CHD8: variants seen among roughly 807,000 people sequenced by gnomAD.
The protein encoded by CHD8 is chromodomain helicase DNA binding protein 8.
In CHD8, 31 loss-of-function variants were observed where a neutral mutation model predicts 279.2. The observed-to-expected ratio is 0.11, with a 90% confidence interval of 0.08 to 0.15. The LOEUF (loss-of-function observed/expected upper bound fraction) is 0.15. CHD8 is among the 10% of genes least tolerant of loss of function. CHD8 has a pLI of 1.00. For missense variants in CHD8, 2,146 were observed against 3,230.5 expected (o/e 0.66, Z 8.14); for synonymous variants, 1,081 against 1,139.6 (o/e 0.95, Z 1.04).
At position 21,405,435 on chromosome 14, in the gene CHD8, T is replaced by C. The variant is rs1218846677; in HGVS notation, c.3081A>G (p.Pro1027=). 2 of 1,602,594 alleles carry C rather than the reference T, an allele frequency of 1.2e-6. No individual in the cohort carries two copies. The highest frequency in any genetic ancestry group is 1.7e-6 in the Non-Finnish European group (2 of 1,173,920). The change falls in exon 16 of 38, where the codon CCA becomes CCG. Residue 1027 remains proline, a synonymous_variant. Transcript: ENST00000646647. The surrounding 1 kb of genome is among the most constrained non-coding windows in gnomAD (Gnocchi z 4.2). Reference sequence around the variant, plus strand: ...CCTCTTTGAGTCTTCTCAGCATCATTGGCTTAAGAATGGCCTGTAGCTTTT... The same window carrying C: ...CCTCTTTGAGTCTTCTCAGCATCATCGGCTTAAGAATGGCCTGTAGCTTTT... The part of the protein sequence containing the change: ...QVQKLQAILK[P]MMLRRLKEDV...
Position 21,431,693 on chromosome 14 carries a change from G to A in CHD8, c.-50C>T. On this transcript the variant is annotated 5_prime_UTR_variant, in exon 2 of 38. Transcript: ENST00000646647. ...TCTCCAAGGTCTAGGGAGGGAAGGG[G>A]AGGGGGGGTACTGGCTCTCCCCTCC... 6.3e-7 allele frequency: 1 copy of A among 1,592,742 alleles called. No homozygotes were observed. Among genetic ancestry groups the A allele is most frequent in the Non-Finnish European group, 8.6e-7 (1 of 1,169,574 alleles).
At chr14:21,417,196 G>A (rs767156371) in intron 5 of CHD8, among the ~76,000 whole-genome samples, 1 of 152,188 alleles carries the variant, frequency 6.6e-6, no homozygotes, top group Non-Finnish European at 1.5e-5. Flanking sequence ...CATTTTTGGT[G>A]AGAGTACATA....
chr14:21,412,239 G>A (rs1389678392), intron 10 of CHD8, among the ~76,000 whole-genome samples: 5 of 151,880 alleles, frequency 3.3e-5, no homozygotes, highest in Admixed American at 1.3e-4. Context: ...TTTGCCTCCC[G>A]GGTTCAAGCG....
rs879793429 is a variant in CHD8, at chr14:21,410,003, A to G, written c.2227-15T>C. The G allele has an allele frequency of 7.5e-6, 12 of 1,596,774 alleles. No individual in the cohort carries two copies. Among genetic ancestry groups the G allele is most frequent in the Non-Finnish European group, 1.0e-5 (12 of 1,171,998 alleles). On this transcript the variant is annotated splice_polypyrimidine_tract_variant and intron_variant, in intron 10 of 37. Coordinates refer to ENST00000646647, the MANE Select transcript of CHD8 (RefSeq NM_001170629.2). ...TAAATAACGGGCTAGGAGAGAAGAA[A>G]CCAAAGCCTTAAGAAACTGATTCTG...
chr14:21,445,771 G>A (rs1890101378), intron 1 of CHD8, among the ~76,000 whole-genome samples: 1 of 150,652 alleles, frequency 6.6e-6, no homozygotes, highest in East Asian at 1.9e-4. Context: ...GGAAGCCAAT[G>A]CGGGTGGATC....
chr14:21,401,759 A>G, intron 20 of CHD8, 198 bp downstream of exon 20: 1 of 594,058 alleles, frequency 1.7e-6, no homozygotes, highest in South Asian at 2.2e-5. Context: ...TAATTTTTGT[A>G]TTTTTGGTAG....
chr14:21,408,653 A>G lies in CHD8; in HGVS notation c.2486+51T>C. 3 of 1,577,588 alleles carry G rather than the reference A, an allele frequency of 1.9e-6. No individual in the cohort carries two copies. Among genetic ancestry groups the G allele is most frequent in the South Asian group, 1.2e-5 (1 of 85,214 alleles). ...AAATTGTTTCAATAGAAAACAAATA[A>G]AAATAATCCCAGAACTAAGCTTACA... On this transcript the variant is annotated intron_variant, in intron 12 of 37. Coordinates refer to ENST00000646647, the MANE Select transcript of CHD8 (RefSeq NM_001170629.2). The surrounding 1 kb of genome is among the most constrained non-coding windows in gnomAD (Gnocchi z 4.3).
chr14:21,438,525 A>AAG (rs1443552738), intron 1 of CHD8, among the ~76,000 whole-genome samples: 2 of 150,356 alleles, frequency 1.3e-5, no homozygotes, highest in South Asian at 2.1e-4. Flanking sequence ...AAAAAAAAAA[A>AAG]AAAAAAGAAA....
chr14:21,394,501 T>C lies in CHD8; in HGVS notation c.5391-16A>G, dbSNP rs1249846390. On this transcript the variant is annotated splice_polypyrimidine_tract_variant and intron_variant, in intron 30 of 37. Transcript: ENST00000646647. ...CCTTGTCCATCTACAAAAGGAAAAG[T>C]AGGGCAACAATAATCAGAAGAACAC... is the stretch of plus-strand genomic sequence containing the variant. 15 of 1,542,702 alleles carry C rather than the reference T, an allele frequency of 9.7e-6. No individual in the cohort carries two copies. The highest frequency in any genetic ancestry group is 1.2e-5 in the Non-Finnish European group (14 of 1,133,406).
At chr14:21,444,702 T>C (rs567340264) in intron 1 of CHD8, among the ~76,000 whole-genome samples, 1 of 152,056 alleles carries the variant, frequency 6.6e-6, no homozygotes, top group East Asian at 1.9e-4. Context: ...TAACCACTTT[T>C]TTAAAAAAAA....
At chr14:21,430,302 T>C (rs1359021630) in intron 2 of CHD8, 2 of 157,194 alleles carry the variant, frequency 1.3e-5, no homozygotes, top group Non-Finnish European at 2.8e-5. Context: ...CTAGAGCCTC[T>C]ACCTTCTTAC....
intron 16 of CHD8, chr14:21,404,718 A>C (rs1199156917): frequency 6.4e-6 from 1 of 156,810 alleles, no homozygotes; most frequent in Non-Finnish European, 1.4e-5. Flanking sequence ...CTGTGTGGCT[A>C]ATCTGAGTTC....
chr14:21,425,376 G>A (rs908851946), intron 5 of CHD8: 4 of 150,016 alleles, frequency 2.7e-5, no homozygotes, highest in Non-Finnish European at 4.4e-5. Context: ...CCAGGCTGGA[G>A]TGCAATGGTA....
intron 5 of CHD8, among the ~76,000 whole-genome samples, chr14:21,417,293 T>G (rs1422295027): frequency 1.3e-5 from 2 of 152,168 alleles, no homozygotes; most frequent in Admixed American, 6.5e-5. Context: ...TAAATTTGCA[T>G]ATGTGCACAA....
At chr14:21,421,666 G>C (rs1402374876) in intron 5 of CHD8, among the ~76,000 whole-genome samples, 1 of 152,098 alleles carries the variant, frequency 6.6e-6, no homozygotes, top group African/African-American at 2.4e-5. Context: ...CTAAGTGTCT[G>C]TTCCTTAACT....
At chr14:21,388,912 A>G (rs1307496619) in intron 37 of CHD8, among the ~76,000 whole-genome samples, 1 of 152,248 alleles carries the variant, frequency 6.6e-6, no homozygotes, top group Non-Finnish European at 1.5e-5. Flanking sequence ...AGAAGATCAA[A>G]TGGGGGAATA....
intron 1 of CHD8, among the ~76,000 whole-genome samples, chr14:21,446,005 A>C (rs1366928107): frequency 6.6e-6 from 1 of 151,976 alleles, no homozygotes; most frequent in Non-Finnish European, 1.5e-5. Context: ...TCTCAAAAAA[A>C]AGATGGTGAG....
chr14:21,438,427 C>A (rs1346253235), intron 1 of CHD8, among the ~76,000 whole-genome samples: 1 of 148,620 alleles, frequency 6.7e-6, no homozygotes, highest in Admixed American at 6.8e-5. Context: ...GCAATCCCAG[C>A]ACTTAGAGAG....
In CHD8 at chr14:21,431,085, C is replaced by G. The variant is rs754509455; in HGVS notation, c.559G>C (p.Ala187Pro). The G allele has an allele frequency of 6.3e-7, 1 of 1,599,222 alleles. No individual in the cohort carries two copies. The highest frequency in any genetic ancestry group is 1.1e-5 in the South Asian group (1 of 91,028). The change falls in exon 2 of 38, where the codon GCT becomes CCT. Residue 187 changes from alanine to proline, a missense_variant. Transcript: ENST00000646647. ...QIQAQGITSTAQPLVAGTANG... is the reference protein window; with the variant it reads ...QIQAQGITSTPQPLVAGTANG... ...GCTGTGCCTGCCACCAGGGGCTGAG[C>G]TGTGCTGGTGATACCTTGGGCCTGA...
Sources: gnomAD v4.1 joint callset for allele counts (sites outside exome capture counted in the v4.1 genomes callset) on GRCh38, gnomAD v4.1.1 for gene constraint, Gnocchi (gnomAD v3.1) non-coding constraint, MANE v1.5 for transcripts, NCBI Gene and HGNC (gene_info 2026-07-23, HGNC 2026-07-21) for gene names.